The following CACNA1C variants were observed in gnomAD, a reference collection of about 807,000 sequenced individuals.
CACNA1C encodes the protein voltage-dependent L-type calcium channel subunit alpha-1C.
CACNA1C carries 30 observed loss-of-function variants against 229.0 expected under a neutral mutation model. The observed-to-expected ratio is 0.13, with a 90% CI of 0.10 to 0.18. The LOEUF (loss-of-function observed/expected upper bound fraction) is 0.18, where lower values mean the gene tolerates loss of function less well. Among genes scored for constraint, CACNA1C ranks in the 10% least tolerant of loss-of-function variants. The probability of loss-of-function intolerance (pLI) is 1.00; values close to 1 mark genes in which losing one functional copy is unlikely to be tolerated. For missense variants in CACNA1C, 1,658 were observed against 2,845.0 expected, an observed-to-expected ratio of 0.58 and a Z score of 9.49; for synonymous variants, 1,114 against 1,132.5, an observed-to-expected ratio of 0.98 and a Z score of 0.33.
chr12:2,638,563 G>A (rs141590560), intron 30 of CACNA1C, among the ~76,000 whole-genome samples: 86 of 152,342 alleles, frequency 5.6e-4, no homozygotes, highest in African/African-American at 1.9e-3. Context: ...TAGGAGTCAA[G>A]GGTGGAATCT....
chr12:2,192,258 C>T (rs905510979), intron 3 of CACNA1C, among the ~76,000 whole-genome samples: 9 of 152,214 alleles, frequency 5.9e-5, no homozygotes, highest in African/African-American at 2.2e-4. Context: ...AGGTTGGCTG[C>T]TGTGTCTTCC....
intron 5 of CACNA1C, among the ~76,000 whole-genome samples, chr12:2,463,016 C>T (rs2099523309): frequency 6.6e-6 from 1 of 151,156 alleles, no homozygotes; most frequent in African/African-American, 2.4e-5. Context: ...GGGTTCACGC[C>T]ATTCTCCTGC....
At chr12:2,450,124 A>G (rs927043749) in intron 4 of CACNA1C, among the ~76,000 whole-genome samples, 2 of 152,336 alleles carry the variant, frequency 1.3e-5, no homozygotes, top group Middle Eastern at 3.4e-3. Flanking sequence ...TAGGCTTTCA[A>G]AACAGCAATG....
chr12:2,613,880 T>TGGCA (rs2079096326), intron 29 of CACNA1C: 1 of 152,498 alleles, frequency 6.6e-6, no homozygotes, highest in Non-Finnish European at 1.5e-5. Context: ...GTGGGGAAAC[T>TGGCA]GGCATCATTT....
At chr12:2,199,392 T>G (rs192580844) in intron 3 of CACNA1C, among the ~76,000 whole-genome samples, 5 of 152,306 alleles carry the variant, frequency 3.3e-5, no homozygotes, top group Admixed American at 2.0e-4. Flanking sequence ...TGAAAACCTT[T>G]ATGATGGTCC....
chr12:2,527,078 A>G (rs762593243), intron 9 of CACNA1C, among the ~76,000 whole-genome samples: 4 of 152,234 alleles, frequency 2.6e-5, no homozygotes, highest in Non-Finnish European at 4.4e-5. Flanking sequence ...TCTACAAGAA[A>G]GTAAGGATAT....
chr12:2,569,599 A>G lies in CACNA1C; in HGVS notation c.1895+1805A>G, dbSNP rs1267018044. 3.3e-5 allele frequency among the ~76,000 whole-genome samples: 5 copies of G among 152,228 alleles called. No individual in the cohort carries two copies. In the East Asian group the frequency reaches 9.6e-4, roughly 29 times the overall value. On this transcript the variant is annotated intron_variant, in intron 13 of 46. Transcript: ENST00000399655. Reference sequence around the variant, plus strand: ...ACTTAGAATAATGTTTTCAAGGGCCATCCATGTTGTAGCATAGATCAGTAC... The same window carrying G: ...ACTTAGAATAATGTTTTCAAGGGCCGTCCATGTTGTAGCATAGATCAGTAC...
At position 2,451,268 on chromosome 12, in the gene CACNA1C, T is replaced by G. The variant is rs112135682; in HGVS notation, c.617+2153T>G. 2.5e-3 allele frequency among the ~76,000 whole-genome samples: 376 copies of G among 152,308 alleles called. 2 individuals are homozygous for G. Among genetic ancestry groups the G allele is most frequent in the African/African-American group, 8.7e-3 (361 of 41,580 alleles). ...CTCAGTAAACCATAGCAAAAGTCCT[T>G]AAGGTGGGTTGTTCCAAATGCCCCT... On this transcript the variant is annotated intron_variant, in intron 4 of 46. Coordinates refer to ENST00000399655, the MANE Select transcript of CACNA1C (RefSeq NM_000719.7).
intron 13 of CACNA1C, among the ~76,000 whole-genome samples, chr12:2,571,840 C>A (rs1037023596): frequency 2.0e-5 from 3 of 152,180 alleles, no homozygotes; most frequent in Non-Finnish European, 4.4e-5. Flanking sequence ...AGCCTTGGGA[C>A]TGGGTGACAG....
chr12:2,059,042 A>C (rs2056404781), intron 1 of CACNA1C, among the ~76,000 whole-genome samples: 2 of 152,148 alleles, frequency 1.3e-5, no homozygotes, highest in South Asian at 4.1e-4. Context: ...AAGTGGATGC[A>C]TTCTCTACTG....
chr12:2,332,988 C>CTGTGTGACGACAGTGTCTGAA (rs1372515148), intron 3 of CACNA1C, among the ~76,000 whole-genome samples: 6 of 152,194 alleles, frequency 3.9e-5, no homozygotes, highest in Admixed American at 1.3e-4. Flanking sequence ...CTTTCTGTGA[C>CTGTGTGACGACAGTGTCTGAA]TGTGTGACGA....
chr12:2,081,394 C>A (rs926439118), intron 1 of CACNA1C, among the ~76,000 whole-genome samples: 3 of 152,232 alleles, frequency 2.0e-5, no homozygotes, highest in African/African-American at 7.2e-5. Context: ...CACAGTGAAA[C>A]CCCGTCTCTA....
chr12:2,080,180 T>G (rs1275595206), intron 1 of CACNA1C, among the ~76,000 whole-genome samples: 1 of 152,070 alleles, frequency 6.6e-6, no homozygotes, highest in Non-Finnish European at 1.5e-5. Context: ...GAGAATGTTT[T>G]GAACCCAGGA....
At chr12:2,066,447 G>A (rs1244526637) in intron 1 of CACNA1C, among the ~76,000 whole-genome samples, 1 of 152,110 alleles carries the variant, frequency 6.6e-6, no homozygotes, top group Non-Finnish European at 1.5e-5. Context: ...ATCAAGGCAG[G>A]AGAGCATTTC....
At chr12:2,086,424 T>G (rs7297976) in intron 1 of CACNA1C, among the ~76,000 whole-genome samples, 151,664 of 152,314 alleles carry the variant, frequency 1, 75,512 homozygotes, top group East Asian at 1. Flanking sequence ...TTTCTCCATA[T>G]ATGTTCCAAG....
chr12:2,291,968 C>T (rs1018949488), intron 3 of CACNA1C, among the ~76,000 whole-genome samples: 4 of 152,296 alleles, frequency 2.6e-5, no homozygotes, highest in Admixed American at 6.5e-5. Flanking sequence ...AGGAAAGGGT[C>T]GTTTAAGTTT....
intron 3 of CACNA1C, among the ~76,000 whole-genome samples, chr12:2,174,140 G>A (rs1279300387): frequency 2.0e-5 from 3 of 152,060 alleles, no homozygotes; most frequent in Non-Finnish European, 4.4e-5. Flanking sequence ...GGACATGTGT[G>A]GCTTTGCATG....
chr12:2,204,867 G>A (rs549845819), intron 3 of CACNA1C, among the ~76,000 whole-genome samples: 2,503 of 146,490 alleles, frequency 0.017, 82 homozygotes, highest in African/African-American at 0.058. Flanking sequence ...TGGGTGCAGC[G>A]CACCAGCATG....
At chr12:1,999,649 C>T (rs2041734367) in intron 1 of CACNA1C, among the ~76,000 whole-genome samples, 1 of 151,992 alleles carries the variant, frequency 6.6e-6, no homozygotes, top group South Asian at 2.1e-4. Flanking sequence ...TTGCTTCAGC[C>T]CAGGAGTTTG....
Sources: gnomAD v4.1 joint callset for allele counts (sites outside exome capture counted in the v4.1 genomes callset) on GRCh38, gnomAD v4.1.1 for gene constraint, MANE v1.5 for transcripts, NCBI Gene and HGNC (gene_info 2026-07-23, HGNC 2026-07-21) for gene names.